CMTM8: variants seen among roughly 807,000 people sequenced by gnomAD.
CMTM8 encodes the protein CKLF like MARVEL transmembrane domain containing 8, also known as CKLF-like MARVEL transmembrane domain-containing protein 8.
CMTM8 carries 12 observed loss-of-function variants against 18.6 expected under a neutral mutation model. That is an observed-to-expected ratio of 0.65 (90% CI 0.41 to 1.05). The LOEUF is 1.05. Ranked by LOEUF, CMTM8 falls within the 50% of genes least tolerant of loss-of-function variation. CMTM8 has a pLI of 0.00. For synonymous variants in CMTM8, 87 were observed against 90.6 expected (o/e 0.96, Z 0.23); for missense variants, 217 against 227.2 (o/e 0.95, Z 0.29).
chr3:32,328,876 G>C (rs1287468446), intron 1 of CMTM8, among the ~76,000 whole-genome samples: 3 of 152,072 alleles, frequency 2.0e-5, no homozygotes, highest in Non-Finnish European at 2.9e-5. Context: ...AGGCCAGATG[G>C]CTTCACTAGA....
chr3:32,272,134 G>C (rs72619948), intron 1 of CMTM8, among the ~76,000 whole-genome samples: 7,131 of 152,182 alleles, frequency 0.047, 673 homozygotes, highest in East Asian at 0.44. Flanking sequence ...CAGTGCATTT[G>C]AAAGTATCAT....
At chr3:32,290,820 C>G (rs1446816360) in intron 1 of CMTM8, among the ~76,000 whole-genome samples, 1 of 152,214 alleles carries the variant, frequency 6.6e-6, no homozygotes, top group Non-Finnish European at 1.5e-5. Flanking sequence ...ATATAAGCAT[C>G]TGGTTAGACC....
intron 1 of CMTM8, among the ~76,000 whole-genome samples, chr3:32,355,947 G>T (rs1696807264): frequency 6.6e-6 from 1 of 152,166 alleles, no homozygotes; most frequent in Admixed American, 6.6e-5. Flanking sequence ...TCCTGTGCCT[G>T]CCAGCAAGGT....
intron 1 of CMTM8, among the ~76,000 whole-genome samples, chr3:32,258,268 A>G (rs1379249369): frequency 6.6e-6 from 1 of 152,180 alleles, no homozygotes; most frequent in Non-Finnish European, 1.5e-5. Flanking sequence ...TCACTGCTCC[A>G]GACTGCTGTT....
chr3:32,364,918 A>T (rs1448131549), intron 2 of CMTM8, among the ~76,000 whole-genome samples: 1 of 152,164 alleles, frequency 6.6e-6, no homozygotes, highest in African/African-American at 2.4e-5. Flanking sequence ...CGCAGCAGTG[A>T]TGTGTGAAGC....
chr3:32,264,534 C>T (rs1441899635), intron 1 of CMTM8, among the ~76,000 whole-genome samples: 3 of 152,182 alleles, frequency 2.0e-5, no homozygotes, highest in Non-Finnish European at 2.9e-5. Flanking sequence ...TAGGAAGAAA[C>T]TGCATCAAGT....
At chr3:32,288,741 ATG>A (rs1702728686) in intron 1 of CMTM8, among the ~76,000 whole-genome samples, 1 of 152,142 alleles carries the variant, frequency 6.6e-6, no homozygotes, top group Non-Finnish European at 1.5e-5. Context: ...ACCTCGTGAT[ATG>A]CCCGCCTTGG....
intron 1 of CMTM8, among the ~76,000 whole-genome samples, chr3:32,288,101 G>A (rs1461087085): frequency 1.3e-5 from 2 of 152,144 alleles, no homozygotes; most frequent in Admixed American, 6.5e-5. Flanking sequence ...AGGTAGACCT[G>A]GAATCTGAAC....
At chr3:32,308,389 G>C (rs193045083) in intron 1 of CMTM8, among the ~76,000 whole-genome samples, 2 of 152,342 alleles carry the variant, frequency 1.3e-5, no homozygotes, top group Non-Finnish European at 2.9e-5. Flanking sequence ...ATGTCTGCAT[G>C]GTTATGCTTA....
intron 1 of CMTM8, among the ~76,000 whole-genome samples, chr3:32,267,232 G>A (rs1702363003): frequency 6.6e-6 from 1 of 152,146 alleles, no homozygotes; most frequent in Admixed American, 6.6e-5. Flanking sequence ...AAAACAGCAT[G>A]ATACTGGTAC....
intron 1 of CMTM8, among the ~76,000 whole-genome samples, chr3:32,352,008 T>A (rs140457720): frequency 6.6e-6 from 1 of 151,382 alleles, no homozygotes; most frequent in Non-Finnish European, 1.5e-5. Context: ...GAAACCCCGT[T>A]TATACTAAAA....
At chr3:32,302,148 A>T (rs1353219324) in intron 1 of CMTM8, among the ~76,000 whole-genome samples, 2 of 151,860 alleles carry the variant, frequency 1.3e-5, no homozygotes, top group African/African-American at 4.8e-5. Context: ...AAAAAAAAAA[A>T]TTTAATTAGC....
chr3:32,353,353 G>A (rs771841171), intron 1 of CMTM8, among the ~76,000 whole-genome samples: 16 of 152,150 alleles, frequency 1.1e-4, no homozygotes, highest in Non-Finnish European at 2.2e-4. Flanking sequence ...CTTAAAATGT[G>A]TATTCTAGAA....
At chr3:32,279,172 T>TTTG (rs1215658486) in intron 1 of CMTM8, among the ~76,000 whole-genome samples, 2 of 119,488 alleles carry the variant, frequency 1.7e-5, no homozygotes, top group Non-Finnish European at 3.5e-5. Context: ...TAGTGATTTT[T>TTTG]TTTTTTAATT....
chr3:32,251,572 C>T (rs1436537373), intron 1 of CMTM8, among the ~76,000 whole-genome samples: 1 of 151,990 alleles, frequency 6.6e-6, no homozygotes, highest in Non-Finnish European at 1.5e-5. Flanking sequence ...CCTCAGCCTC[C>T]CAAAATGCTA....
chr3:32,245,842 C>T (rs1702008105), intron 1 of CMTM8, among the ~76,000 whole-genome samples: 1 of 152,100 alleles, frequency 6.6e-6, no homozygotes, highest in African/African-American at 2.4e-5. Flanking sequence ...TTCTGTCCCC[C>T]AGGCTGGAGT....
intron 1 of CMTM8, among the ~76,000 whole-genome samples, chr3:32,240,212 T>G (rs1370886189): frequency 2.6e-5 from 4 of 152,214 alleles, no homozygotes; most frequent in African/African-American, 9.7e-5. Flanking sequence ...CTCAAGTAGC[T>G]TGCTTGCTCC....
intron 1 of CMTM8, among the ~76,000 whole-genome samples, chr3:32,314,024 T>C (rs72854493): frequency 0.029 from 4,453 of 152,196 alleles, 239 homozygotes; most frequent in African/African-American, 0.1. Flanking sequence ...CAGTACTCTC[T>C]AAGCATCATA....
intron 1 of CMTM8, 92 bp downstream of exon 1, chr3:32,239,211 C>A: frequency 7.1e-7 from 1 of 1,415,780 alleles, no homozygotes; most frequent in African/African-American, 1.5e-5. Context: ...CTGCTCAGAT[C>A]TTCCCGCGGG....
Sources: gnomAD v4.1 joint callset for allele counts (sites outside exome capture counted in the v4.1 genomes callset) on GRCh38, gnomAD v4.1.1 for gene constraint, MANE v1.5 for transcripts, NCBI Gene and HGNC (gene_info 2026-07-23, HGNC 2026-07-21) for gene names.